NTNG2: variants seen among roughly 807,000 people sequenced by gnomAD.
NTNG2 encodes netrin G2, also known as netrin-G2.
NTNG2 carries 15 observed loss-of-function variants against 47.6 expected under a neutral mutation model. The observed-to-expected ratio is 0.32, with a 90% CI of 0.21 to 0.49. NTNG2 has a LOEUF of 0.49. NTNG2 is among the 20% of genes least tolerant of loss of function. The pLI, the probability that NTNG2 is intolerant of heterozygous loss-of-function variation, is 0.99. For synonymous variants in NTNG2, 307 were observed against 324.6 expected, an observed-to-expected ratio of 0.95 and a Z score of 0.58; for missense variants, 578 against 764.6, an observed-to-expected ratio of 0.76 and a Z score of 2.88.
chr9:132,171,075 T>A (rs2131294010), intron 2 of NTNG2, among the ~76,000 whole-genome samples: 2 of 152,228 alleles, frequency 1.3e-5, no homozygotes, highest in South Asian at 4.1e-4. Flanking sequence ...GAGCCGAGAT[T>A]CCCAGATGCG....
chr9:132,213,748 G>A (rs994549870), intron 3 of NTNG2, among the ~76,000 whole-genome samples: 1 of 152,208 alleles, frequency 6.6e-6, no homozygotes, highest in Non-Finnish European at 1.5e-5. Flanking sequence ...GCGCTATCTG[G>A]CAAGAGAAAT....
chr9:132,208,034 G>A lies in NTNG2; in HGVS notation c.857+9425G>A, dbSNP rs1436985127. 2.0e-5 allele frequency among the ~76,000 whole-genome samples: 3 copies of A among 152,166 alleles called. No individual in the cohort carries two copies. The highest frequency in any genetic ancestry group is 6.5e-5 in the Admixed American group (1 of 15,278). ...TGGGAGGATTGCTTGAGCCCAGGAAGTCAAGCCTGCAGTGAGTTATGACTG... is the reference window on the plus strand; with the variant it reads ...TGGGAGGATTGCTTGAGCCCAGGAAATCAAGCCTGCAGTGAGTTATGACTG... On this transcript the variant is annotated intron_variant, in intron 3 of 7. Coordinates refer to ENST00000393229, the MANE Select transcript of NTNG2 (RefSeq NM_032536.4). The surrounding 1 kb of genome is among the most constrained non-coding windows in gnomAD (Gnocchi z 4.0).
At chr9:132,235,100 G>A (rs889096235) in intron 5 of NTNG2, among the ~76,000 whole-genome samples, 2 of 152,276 alleles carry the variant, frequency 1.3e-5, no homozygotes, top group Admixed American at 1.3e-4. Flanking sequence ...GGTGAAAATG[G>A]GCCAGGCCAG....
rs142235796 is a variant in NTNG2 at position 132,193,951 on chromosome 9, G to A, written c.214-4015G>A. ...TTTCTCTGTGCACATGGGCCCCAGCGTCTCATCCGGCAGCCAAACTTCTTC... is the reference window on the plus strand; with the variant it reads ...TTTCTCTGTGCACATGGGCCCCAGCATCTCATCCGGCAGCCAAACTTCTTC... On this transcript the variant is annotated intron_variant, in intron 2 of 7. Coordinates refer to ENST00000393229, the MANE Select transcript of NTNG2 (RefSeq NM_032536.4). Among the ~76,000 whole-genome samples, 290 of 152,240 alleles carry A rather than the reference G, an allele frequency of 1.9e-3. 3 individuals carry two copies. Among genetic ancestry groups the A allele is most frequent in the South Asian group, 0.018 (87 of 4,826 alleles).
chr9:132,162,490 C>T lies in NTNG2; in HGVS notation c.-484+251C>T, dbSNP rs1216348792. On this transcript the variant is annotated intron_variant, in intron 1 of 7. Transcript: ENST00000393229. The surrounding 1 kb of genome is among the most constrained non-coding windows in gnomAD (Gnocchi z 4.6). ...GCAGCATCTTAAAGGGGTAGCTTGTCTTTCTGGCCAGCTTCCCCCGGGTCC... is the reference window on the plus strand; with the variant it reads ...GCAGCATCTTAAAGGGGTAGCTTGTTTTTCTGGCCAGCTTCCCCCGGGTCC... 1.3e-5 allele frequency among the ~76,000 whole-genome samples: 2 copies of T among 151,468 alleles called. No individual in the cohort carries two copies. The highest frequency in any genetic ancestry group is 4.9e-5 in the African/African-American group (2 of 41,164).
In NTNG2 at chr9:132,243,427, G is replaced by T; in HGVS notation, c.*1316G>T. The T allele has an allele frequency of 6.6e-6, 1 of 152,488 alleles. No homozygotes were observed. The highest frequency in any genetic ancestry group is 1.5e-5 in the Non-Finnish European group (1 of 68,138). 9.4% of individuals were successfully genotyped at this position (152,488 alleles called of 1,614,324 possible). On this transcript the variant is annotated 3_prime_UTR_variant, in exon 8 of 8. Transcript: ENST00000393229. The stretch of plus-strand genomic sequence containing the variant: ...TGGAGGGGACAGGGGCAGCTTGGGA[G>T]TGGTGAGGAAGCTCCTAGATTCGGG...
At chr9:132,174,301 C>T in intron 2 of NTNG2, among the ~76,000 whole-genome samples, 1 of 133,280 alleles carries the variant, frequency 7.5e-6, no homozygotes. Flanking sequence ...CCGCACCATG[C>T]TGCGGATGAG....
At chr9:132,217,555 G>C (rs937108905) in intron 3 of NTNG2, among the ~76,000 whole-genome samples, 6 of 152,202 alleles carry the variant, frequency 3.9e-5, no homozygotes, top group East Asian at 1.9e-4. Context: ...AGTATACTCT[G>C]CATAAGGTTC....
At chr9:132,240,058 G>C (rs753228701) in intron 6 of NTNG2, among the ~76,000 whole-genome samples, 1 of 152,264 alleles carries the variant, frequency 6.6e-6, no homozygotes, top group Non-Finnish European at 1.5e-5. Context: ...CCTGTCGTCA[G>C]TAGAGGCCAG....
intron 3 of NTNG2, among the ~76,000 whole-genome samples, chr9:132,213,351 A>G (rs1341154597): frequency 9.6e-6 from 1 of 103,852 alleles, no homozygotes; most frequent in Non-Finnish European, 2.0e-5. Flanking sequence ...AAAAAAAAAA[A>G]AAAAAAAAAA....
At chr9:132,223,290 C>T (rs1390194150) in intron 3 of NTNG2, among the ~76,000 whole-genome samples, 1 of 152,198 alleles carries the variant, frequency 6.6e-6, no homozygotes, top group East Asian at 1.9e-4. Context: ...GCTGTTTCCC[C>T]ACCCAGATCC....
rs182686832 is a variant in NTNG2, at chr9:132,226,140, A to G, written c.858-709A>G. Among the ~76,000 whole-genome samples the G allele has an allele frequency of 1.3e-5, 2 of 152,324 alleles. No individual in the cohort carries two copies. The highest frequency in any genetic ancestry group is 2.4e-5 in the African/African-American group (1 of 41,572). ...GCAAATTCTCTCGTGAAATGCTTCT[A>G]TAAAAAGAAGCTTCCCCTCATCAAC... On this transcript the variant is annotated intron_variant, in intron 3 of 7. Coordinates refer to ENST00000393229, the MANE Select transcript of NTNG2 (RefSeq NM_032536.4). This position sits in a 1 kb window ranked among gnomAD's most constrained non-coding sequence, Gnocchi z 4.8.
At chr9:132,201,985 A>G (rs1212472699) in intron 3 of NTNG2, among the ~76,000 whole-genome samples, 1 of 152,222 alleles carries the variant, frequency 6.6e-6, no homozygotes, top group African/African-American at 2.4e-5. Context: ...TACATGGCAG[A>G]CAGCTAACAT....
rs932774044 is a variant in NTNG2 at position 132,208,450 on chromosome 9, T to G, written c.857+9841T>G. ...GATTTCCGGTGTTTGGAAATCTGAG[T>G]TGGGGGTGGCGGTGCTGGAGGCCTG... On this transcript the variant is annotated intron_variant, in intron 3 of 7. Transcript: ENST00000393229. The surrounding 1 kb of genome is among the most constrained non-coding windows in gnomAD (Gnocchi z 4.0). Among the ~76,000 whole-genome samples, 2 of 151,756 alleles carry G rather than the reference T, an allele frequency of 1.3e-5. No individual in the cohort carries two copies. The highest frequency in any genetic ancestry group is 4.8e-5 in the African/African-American group (2 of 41,282).
In NTNG2 at chr9:132,221,489, G is replaced by T. The variant is rs1344146553; in HGVS notation, c.858-5360G>T. 6.6e-6 allele frequency among the ~76,000 whole-genome samples: 1 copy of T among 152,192 alleles called. No homozygotes were observed. Among genetic ancestry groups the T allele is most frequent in the East Asian group, 1.9e-4 (1 of 5,198 alleles). On this transcript the variant is annotated intron_variant, in intron 3 of 7. Transcript: ENST00000393229. The surrounding 1 kb of genome is among the most constrained non-coding windows in gnomAD (Gnocchi z 4.2). ...AGACCAGAAGCACCTGCATTGACCA[G>T]GTGCCATGTGTGTGCCAGCCTTGCC...
rs1156485299 is a variant in NTNG2 at position 132,218,793 on chromosome 9, G to A, written c.858-8056G>A. Among the ~76,000 whole-genome samples, 2 of 152,064 alleles carry A rather than the reference G, an allele frequency of 1.3e-5. No individual in the cohort carries two copies. Among genetic ancestry groups the A allele is most frequent in the East Asian group, 1.9e-4 (1 of 5,176 alleles). ...ATTACAGGCGTGAGCCAACGCGCCC[G>A]GCCCCAATGTGATAGGTTTATAAAA... On this transcript the variant is annotated intron_variant, in intron 3 of 7. Coordinates refer to ENST00000393229, the MANE Select transcript of NTNG2 (RefSeq NM_032536.4). The surrounding 1 kb of genome is among the most constrained non-coding windows in gnomAD (Gnocchi z 5.4).
In NTNG2 at chr9:132,218,785, A is replaced by G. The variant is rs1840161760; in HGVS notation, c.858-8064A>G. Among the ~76,000 whole-genome samples the G allele has an allele frequency of 6.6e-6, 1 of 152,124 alleles. No individual in the cohort carries two copies. Among genetic ancestry groups the G allele is most frequent in the African/African-American group, 2.4e-5 (1 of 41,432 alleles). On this transcript the variant is annotated intron_variant, in intron 3 of 7. Transcript: ENST00000393229. The surrounding 1 kb of genome is among the most constrained non-coding windows in gnomAD (Gnocchi z 5.4). ...GTGCTGGGATTACAGGCGTGAGCCA[A>G]CGCGCCCGGCCCCAATGTGATAGGT...
chr9:132,175,068 G>A (rs1217371139), intron 2 of NTNG2, among the ~76,000 whole-genome samples: 2 of 152,140 alleles, frequency 1.3e-5, no homozygotes, highest in African/African-American at 2.4e-5. Context: ...GAAGGGTCAG[G>A]AGAGTGAGGA....
chr9:132,166,774 A>G lies in NTNG2; in HGVS notation c.-58A>G. On this transcript the variant is annotated 5_prime_UTR_variant, in exon 2 of 8. It removes the in-frame stop codon of an upstream open reading frame in the 5' UTR. Transcript: ENST00000393229. The stretch of plus-strand genomic sequence containing the variant: ...ATGCTGAGGCCGCGAGTCCCGCCTG[A>G]CCCCGTCGCTGCCTCTCCAGGGCTT... The G allele has an allele frequency of 6.5e-7, 1 of 1,550,166 alleles. No individual in the cohort carries two copies. Among genetic ancestry groups the G allele is most frequent in the Non-Finnish European group, 8.9e-7 (1 of 1,127,436 alleles).
Sources: gnomAD v4.1 joint callset for allele counts (sites outside exome capture counted in the v4.1 genomes callset) on GRCh38, gnomAD v4.1.1 for gene constraint, Gnocchi (gnomAD v3.1) non-coding constraint, MANE v1.5 for transcripts, NCBI Gene and HGNC (gene_info 2026-07-23, HGNC 2026-07-21) for gene names.